OPCML: variants seen among roughly 807,000 people sequenced by gnomAD.
The protein encoded by OPCML is opioid-binding protein/cell adhesion molecule.
A neutral mutation model predicts 37.8 loss-of-function variants in OPCML; 13 were observed. The observed-to-expected ratio is 0.34, with a 90% CI of 0.22 to 0.55. The LOEUF (loss-of-function observed/expected upper bound fraction) is 0.55, where lower values mean the gene tolerates loss of function less well. Among genes scored for constraint, OPCML ranks in the 20% least tolerant of loss-of-function variants. OPCML has a pLI of 0.91. For synonymous variants in OPCML, 176 were observed against 168.8 expected (o/e 1.04, Z -0.33); for missense variants, 341 against 435.6 (o/e 0.78, Z 1.93).
intron 1 of OPCML, among the ~76,000 whole-genome samples, chr11:132,963,982 C>G (rs892802069): frequency 6.6e-6 from 1 of 152,026 alleles, no homozygotes; most frequent in Non-Finnish European, 1.5e-5. Context: ...TGAATGTATA[C>G]GGCAGGTCAG....
At chr11:133,149,718 G>C (rs2137187258) in intron 1 of OPCML, among the ~76,000 whole-genome samples, 1 of 152,360 alleles carries the variant, frequency 6.6e-6, no homozygotes. Context: ...AGCTGCTGCT[G>C]TTTTGTCATG....
intron 2 of OPCML, among the ~76,000 whole-genome samples, chr11:132,774,634 T>C (rs1946751783): frequency 6.6e-6 from 1 of 152,162 alleles, no homozygotes; most frequent in Admixed American, 6.5e-5. Flanking sequence ...TGCCTGAAGG[T>C]TTATTTCCAG....
chr11:132,616,285 G>A (rs758716747), intron 3 of OPCML, among the ~76,000 whole-genome samples: 3 of 152,140 alleles, frequency 2.0e-5, no homozygotes, highest in Admixed American at 6.5e-5. Context: ...CACGCATACC[G>A]GTTAAACTAA....
intron 4 of OPCML, among the ~76,000 whole-genome samples, chr11:132,492,012 T>C (rs1343909395): frequency 7.0e-6 from 1 of 143,810 alleles, no homozygotes; most frequent in African/African-American, 2.6e-5. Context: ...CTGAAGTGAG[T>C]GAGAGCATGA....
chr11:132,615,743 C>G lies in OPCML; in HGVS notation c.379+41344G>C, dbSNP rs558251878. ...TGCTGCATTGATACCGAGAAATGAC[C>G]GTAATACATGCGAACTACTTAGTAA... On this transcript the variant is annotated intron_variant, in intron 3 of 7. Coordinates refer to ENST00000524381, the MANE Select transcript of OPCML (RefSeq NM_001012393.5). 2.0e-5 allele frequency among the ~76,000 whole-genome samples: 3 copies of G among 152,004 alleles called. No homozygotes were observed. In the South Asian group the frequency reaches 6.3e-4, roughly 32 times the overall value.
intron 4 of OPCML, among the ~76,000 whole-genome samples, chr11:132,506,283 A>C (rs2096256622): frequency 6.6e-6 from 1 of 152,208 alleles, no homozygotes; most frequent in African/African-American, 2.4e-5. Flanking sequence ...CTATTATTGC[A>C]AAACAGGTTT....
chr11:133,005,462 AC>A (rs1251510685), intron 1 of OPCML: 2 of 985,268 alleles, frequency 2.0e-6, no homozygotes, highest in Admixed American at 6.1e-5. Flanking sequence ...GCTCTTAGGT[AC>A]TAGTTTTTCT....
chr11:133,035,322 T>C (rs535544477), intron 1 of OPCML, among the ~76,000 whole-genome samples: 2 of 152,244 alleles, frequency 1.3e-5, no homozygotes, highest in South Asian at 4.1e-4. Flanking sequence ...TTCATGGATC[T>C]CTCCAACAAA....
At chr11:133,391,779 C>T (rs965504076) in intron 1 of OPCML, among the ~76,000 whole-genome samples, 2 of 152,134 alleles carry the variant, frequency 1.3e-5, no homozygotes, top group Non-Finnish European at 2.9e-5. Context: ...TCAGACCTAG[C>T]GCTAAAGCTC....
chr11:133,118,872 T>C (rs1312708309), intron 1 of OPCML, among the ~76,000 whole-genome samples: 1 of 152,132 alleles, frequency 6.6e-6, no homozygotes, highest in Non-Finnish European at 1.5e-5. Flanking sequence ...ATGGACGTGA[T>C]CCAGTGGAGA....
intron 2 of OPCML, among the ~76,000 whole-genome samples, chr11:132,713,567 C>G (rs1473826505): frequency 6.6e-6 from 1 of 152,132 alleles, no homozygotes; most frequent in Non-Finnish European, 1.5e-5. Context: ...TATCCTAAAC[C>G]TTAAGTCTCC....
intron 2 of OPCML, among the ~76,000 whole-genome samples, chr11:132,745,805 G>T (rs1945614329): frequency 1.3e-5 from 2 of 152,122 alleles, no homozygotes; most frequent in Non-Finnish European, 2.9e-5. Context: ...GGCATTCAGG[G>T]TCAACTAAAG....
chr11:132,755,808 A>T (rs1946022983), intron 2 of OPCML, among the ~76,000 whole-genome samples: 1 of 152,212 alleles, frequency 6.6e-6, no homozygotes, highest in African/African-American at 2.4e-5. Context: ...CAACACAGGT[A>T]TATATTACTG....
intron 1 of OPCML, among the ~76,000 whole-genome samples, chr11:133,355,686 C>G (rs989483128): frequency 6.6e-6 from 1 of 152,168 alleles, no homozygotes; most frequent in African/African-American, 2.4e-5. Context: ...CGCTTCAGCT[C>G]TAGGAGTCCA....
intron 1 of OPCML, among the ~76,000 whole-genome samples, chr11:133,368,682 A>G (rs759228686): frequency 6.6e-6 from 1 of 152,170 alleles, no homozygotes. Context: ...TCCTATTTCT[A>G]TCAAAGCTAG....
intron 4 of OPCML, among the ~76,000 whole-genome samples, chr11:132,438,037 G>C (rs2096018966): frequency 6.6e-6 from 1 of 152,206 alleles, no homozygotes; most frequent in South Asian, 2.1e-4. Context: ...GAATAGCCTA[G>C]TGGATTTAAT....
chr11:132,958,024 C>G (rs754690809), intron 1 of OPCML, among the ~76,000 whole-genome samples: 12 of 152,166 alleles, frequency 7.9e-5, no homozygotes, highest in Non-Finnish European at 1.2e-4. Flanking sequence ...AATGATTAAG[C>G]TTAATGAAGA....
At chr11:132,913,834 A>G (rs1328001067) in intron 2 of OPCML, among the ~76,000 whole-genome samples, 1 of 152,172 alleles carries the variant, frequency 6.6e-6, no homozygotes, top group Non-Finnish European at 1.5e-5. Flanking sequence ...TCATGGGGCC[A>G]AAGTCCTTTC....
intron 1 of OPCML, chr11:133,026,467 A>G: frequency 1.0e-6 from 1 of 985,380 alleles, no homozygotes; most frequent in Non-Finnish European, 1.2e-6. Context: ...TTGCAACCTC[A>G]TCCTGAACAT....
Sources: allele counts gnomAD v4.1 joint callset (sites outside exome capture counted in the v4.1 genomes callset), GRCh38; gene constraint gnomAD v4.1.1; transcripts MANE v1.5; gene names NCBI Gene and HGNC (gene_info 2026-07-23, HGNC 2026-07-21).